The following PSG2 variants were observed in gnomAD, a reference collection of about 807,000 sequenced individuals.
The protein encoded by PSG2 is pregnancy-specific beta-1-glycoprotein 2.
PSG2 carries 49 observed loss-of-function variants against 36.2 expected under a neutral mutation model. The observed-to-expected ratio is 1.35, with a 90% CI of 1.08 to 1.72. The LOEUF (loss-of-function observed/expected upper bound fraction) is 1.72, where lower values mean the gene tolerates loss of function less well. PSG2 is among the 40% of genes most tolerant of loss of function. The probability of loss-of-function intolerance (pLI) is 0.00; values close to 1 mark genes in which losing one functional copy is unlikely to be tolerated. For missense variants in PSG2, 605 were observed against 407.2 expected (o/e 1.49, Z -4.18); for synonymous variants, 261 against 155.6 (o/e 1.68, Z -5.04).
Position 43,072,496 on chromosome 19 carries a change from C to A in PSG2, c.710-542G>T, listed in dbSNP as rs543456410. 3.5e-5 allele frequency: 57 copies of A among 1,611,086 alleles called. 1 individual carries two copies. Among genetic ancestry groups the A allele is most frequent in the African/African-American group, 5.4e-5 (4 of 74,308 alleles). On this transcript the variant is annotated intron_variant, in intron 3 of 5. Coordinates refer to ENST00000406487, the MANE Select transcript of PSG2 (RefSeq NM_031246.4). The stretch of plus-strand genomic sequence containing the variant: ...TGGGTCGCTTTACCCTGGGACTGAC[C>A]GGGAGGCTCTGACCATTTAGCCACC...
chr19:43,074,808 A>C (rs1285558794), intron 3 of PSG2, among the ~76,000 whole-genome samples: 1 of 151,806 alleles, frequency 6.6e-6, no homozygotes, highest in African/African-American at 2.4e-5. Context: ...AGGGATAAAG[A>C]ACACTTGTGC....
intron 4 of PSG2, among the ~76,000 whole-genome samples, chr19:43,070,193 A>T (rs182116841): frequency 2.0e-5 from 3 of 151,784 alleles, no homozygotes; most frequent in Non-Finnish European, 4.4e-5. Flanking sequence ...ACAGCAACAC[A>T]AAACAACAGG....
At chr19:43,067,939 G>C (rs1483527432) in intron 4 of PSG2, among the ~76,000 whole-genome samples, 2 of 151,284 alleles carry the variant, frequency 1.3e-5, no homozygotes, top group Non-Finnish European at 2.9e-5. Flanking sequence ...GGATATGAAA[G>C]AAGAACAAAC....
chr19:43,070,028 T>G (rs1470272447), intron 4 of PSG2, among the ~76,000 whole-genome samples: 2 of 151,568 alleles, frequency 1.3e-5, no homozygotes, highest in African/African-American at 4.9e-5. Context: ...GAACAAAAGA[T>G]TAAAATGGAG....
intron 3 of PSG2, chr19:43,072,308 G>T (rs932268550): frequency 1.2e-6 from 2 of 1,606,880 alleles, no homozygotes; most frequent in African/African-American, 1.3e-5. Flanking sequence ...CTGGTCATTT[G>T]GATTTAAGCT....
chr19:43,066,893 C>A (rs180958339), intron 4 of PSG2, among the ~76,000 whole-genome samples: 1 of 151,106 alleles, frequency 6.6e-6, no homozygotes, highest in East Asian at 2.0e-4. Flanking sequence ...TTAGAACTTG[C>A]CACATTTTCA....
intron 4 of PSG2, among the ~76,000 whole-genome samples, chr19:43,068,790 C>T (rs755004601): frequency 6.6e-6 from 1 of 151,648 alleles, no homozygotes; most frequent in Non-Finnish European, 1.5e-5. Flanking sequence ...TGAAAGCTTT[C>T]CCTGTATGAG....
chr19:43,072,441 C>A lies in PSG2; in HGVS notation c.710-487G>T. ...TAGGGTCCTGTTTCATTTCTCGTGA[C>A]ACTGGGTAGAATGAGGATCCTGTTT... On this transcript the variant is annotated intron_variant, in intron 3 of 5. Coordinates refer to ENST00000406487, the MANE Select transcript of PSG2 (RefSeq NM_031246.4). 3.7e-6 allele frequency: 6 copies of A among 1,612,012 alleles called. No homozygotes were observed. The South Asian group carries it at 6.6e-5, about 18-fold the overall frequency.
At chr19:43,080,609 G>T (rs1967957651) in intron 2 of PSG2, among the ~76,000 whole-genome samples, 2 of 151,626 alleles carry the variant, frequency 1.3e-5, no homozygotes, top group Admixed American at 6.6e-5. Context: ...GGCATGAGGT[G>T]CTTGGCTGAG....
chr19:43,072,401 C>T (rs1474314091), intron 3 of PSG2: 16 of 1,612,566 alleles, frequency 9.9e-6, no homozygotes, highest in Middle Eastern at 1.8e-4. Flanking sequence ...ATATCGGTCC[C>T]GTATTTCACA....
At chr19:43,067,136 G>A (rs1434939832) in intron 4 of PSG2, among the ~76,000 whole-genome samples, 1 of 151,334 alleles carries the variant, frequency 6.6e-6, no homozygotes, top group East Asian at 1.9e-4. Context: ...CTGGTTGGAG[G>A]ATTCCTCATC....
intron 4 of PSG2, among the ~76,000 whole-genome samples, chr19:43,070,691 G>A (rs1272465524): frequency 4.0e-5 from 6 of 151,676 alleles, no homozygotes; most frequent in Non-Finnish European, 5.9e-5. Context: ...CTAAGGGTTC[G>A]AGGGAGAAGG....
intron 4 of PSG2, 53 bp from the exon 5 acceptor site, chr19:43,066,653 G>T (rs190462082): frequency 4.6e-6 from 7 of 1,508,920 alleles, no homozygotes; most frequent in Non-Finnish European, 6.4e-6. Flanking sequence ...ATTTTACATG[G>T]GGGAGCATCA....
chr19:43,080,693 C>G (rs572096912), intron 2 of PSG2, among the ~76,000 whole-genome samples, 188 bp downstream of exon 2: 2 of 151,510 alleles, frequency 1.3e-5, no homozygotes, highest in Non-Finnish European at 2.9e-5. Context: ...GGTCTGGATG[C>G]GGGAAAGGAA....
chr19:43,073,214 G>A lies in PSG2; in HGVS notation c.710-1260C>T, dbSNP rs537662468. On this transcript the variant is annotated intron_variant, in intron 3 of 5. Transcript: ENST00000406487. ...CAGTCATCAGGCAGTGGAGGCACAA[G>A]GTGGGGCAGCTTTTTGCAGGTGTTT... Among the ~76,000 whole-genome samples, 79 of 151,944 alleles carry A rather than the reference G, an allele frequency of 5.2e-4. No homozygotes were observed. The South Asian group carries it at 0.011, about 21-fold the overall frequency.
chr19:43,069,844 C>T (rs1967791624), intron 4 of PSG2, among the ~76,000 whole-genome samples: 1 of 151,614 alleles, frequency 6.6e-6, no homozygotes, highest in Admixed American at 6.6e-5. Context: ...AATCGGACTT[C>T]ATAAAAATCA....
At position 43,066,439 on chromosome 19, in the gene PSG2, G is replaced by C. The variant is rs1356243154; in HGVS notation, c.*40+78C>G. ...AGGAGGAGATGCAGTCCCAGATACA[G>C]GCAAATAAGTCTTTTCCCTCTCCCA... On this transcript the variant is annotated intron_variant, in intron 5 of 5. Coordinates refer to ENST00000406487, the MANE Select transcript of PSG2 (RefSeq NM_031246.4). The C allele has an allele frequency of 1.1e-5, 12 of 1,070,326 alleles. No individual in the cohort carries two copies. The East Asian group carries it at 2.9e-4, about 26-fold the overall frequency. 66.3% of individuals were successfully genotyped at this position (1,070,326 alleles called of 1,614,324 possible). A position where few individuals can be genotyped will look rare whatever the true frequency, so the allele number is the denominator to read the frequency against.
intron 1 of PSG2, 110 bp from the exon 2 acceptor site, chr19:43,081,356 C>CACACAT (rs1967972139): frequency 4.3e-6 from 2 of 469,768 alleles, no homozygotes; most frequent in South Asian, 5.3e-5. Flanking sequence ...TGAAGACACA[C>CACACAT]ACACACACAC....
chr19:43,072,274 G>A, intron 3 of PSG2: 1 of 1,583,942 alleles, frequency 6.3e-7, no homozygotes, highest in Non-Finnish European at 8.6e-7. Context: ...ACTTGGACCG[G>A]AGAGAGACTG....
Sources: allele counts gnomAD v4.1 joint callset (sites outside exome capture counted in the v4.1 genomes callset), GRCh38; gene constraint gnomAD v4.1.1; transcripts MANE v1.5; gene names NCBI Gene and HGNC (gene_info 2026-07-23, HGNC 2026-07-21).